Variants in SRBD1 observed in about 807,000 individuals in gnomAD.
SRBD1 encodes S1 RNA binding domain 1, also known as S1 RNA-binding domain-containing protein 1.
SRBD1 carries 88 observed loss-of-function variants against 115.3 expected under a neutral mutation model. The observed-to-expected ratio is 0.76, with a 90% CI of 0.64 to 0.91. SRBD1 has a LOEUF of 0.91. Ranked by LOEUF, SRBD1 falls within the 40% of genes least tolerant of loss-of-function variation. SRBD1 has a pLI of 0.00. For missense variants in SRBD1, 1,385 were observed against 1,177.4 expected (o/e 1.18, Z -2.58); for synonymous variants, 509 against 407.7 (o/e 1.25, Z -2.99).
intron 16 of SRBD1, among the ~76,000 whole-genome samples, chr2:45,449,689 G>A (rs1197883962): frequency 6.6e-6 from 1 of 152,122 alleles, no homozygotes; most frequent in Non-Finnish European, 1.5e-5. Context: ...TTAAAACACT[G>A]TATTTTTACA....
intron 11 of SRBD1, 101 bp from the exon 12 acceptor site, chr2:45,551,383 T>C: frequency 1.7e-6 from 2 of 1,184,202 alleles, no homozygotes; most frequent in Non-Finnish European, 2.3e-6. Context: ...CAAAGGATAA[T>C]TTATTATAAC....
At chr2:45,412,176 C>G (rs1236927118) in intron 19 of SRBD1, among the ~76,000 whole-genome samples, 1 of 151,930 alleles carries the variant, frequency 6.6e-6, no homozygotes, top group Non-Finnish European at 1.5e-5. Flanking sequence ...TGTGGAAAAA[C>G]AGATAGAATA....
At position 45,512,934 on chromosome 2, in the gene SRBD1, G is replaced by A. The variant is rs75335454; in HGVS notation, c.1875-24603C>T. On this transcript the variant is annotated intron_variant, in intron 14 of 20. Coordinates refer to ENST00000263736, the MANE Select transcript of SRBD1 (RefSeq NM_018079.5). ...TAACCTACTAAGGGAAGTAGAAAGA[G>A]ACACAAACCTCATGCTGAGAAGGAC... is the stretch of plus-strand genomic sequence containing the variant. 1.7e-3 allele frequency among the ~76,000 whole-genome samples: 264 copies of A among 152,230 alleles called. 1 individual carries two copies. Among genetic ancestry groups the A allele is most frequent in the African/African-American group, 6.1e-3 (252 of 41,534 alleles).
At chr2:45,579,506 T>C (rs1355938033) in intron 7 of SRBD1, among the ~76,000 whole-genome samples, 1 of 152,140 alleles carries the variant, frequency 6.6e-6, no homozygotes, top group African/African-American at 2.4e-5. Context: ...TAAAAGATGA[T>C]TAACTATAAT....
intron 16 of SRBD1, among the ~76,000 whole-genome samples, chr2:45,451,312 T>A (rs1668985815): frequency 1.3e-5 from 2 of 152,076 alleles, no homozygotes; most frequent in Non-Finnish European, 2.9e-5. Flanking sequence ...TGGTATCCCC[T>A]AACTTTACGG....
intron 14 of SRBD1, among the ~76,000 whole-genome samples, chr2:45,502,479 C>T (rs1402599727): frequency 6.6e-6 from 1 of 152,176 alleles, no homozygotes; most frequent in South Asian, 2.1e-4. Flanking sequence ...GGCACATATA[C>T]ACCATGGAAT....
intron 16 of SRBD1, among the ~76,000 whole-genome samples, chr2:45,443,910 G>A (rs754566178): frequency 4.6e-5 from 7 of 151,550 alleles, no homozygotes; most frequent in Non-Finnish European, 8.8e-5. Context: ...CAGACCAGGC[G>A]CTTAATCTTT....
At chr2:45,502,574 C>A (rs535622411) in intron 14 of SRBD1, among the ~76,000 whole-genome samples, 38 of 151,742 alleles carry the variant, frequency 2.5e-4, no homozygotes, top group Non-Finnish European at 4.7e-4. Flanking sequence ...AGCAAACTAT[C>A]GCAGGGACAG....
At chr2:45,504,716 C>A (rs1202587108) in intron 14 of SRBD1, among the ~76,000 whole-genome samples, 1 of 152,078 alleles carries the variant, frequency 6.6e-6, no homozygotes, top group Non-Finnish European at 1.5e-5. Flanking sequence ...AATCAGTCCT[C>A]TAGACTTAGG....
At chr2:45,437,530 T>C (rs549246152) in intron 16 of SRBD1, among the ~76,000 whole-genome samples, 5 of 152,206 alleles carry the variant, frequency 3.3e-5, no homozygotes, top group Non-Finnish European at 7.4e-5. Flanking sequence ...AAATAATGAA[T>C]GTAGACACAG....
chr2:45,465,068 G>C (rs1049051339), intron 16 of SRBD1, among the ~76,000 whole-genome samples: 1 of 149,692 alleles, frequency 6.7e-6, no homozygotes, highest in Admixed American at 6.7e-5. Flanking sequence ...CCCTGGTATG[G>C]GGGATTTTTT....
intron 12 of SRBD1, 43 bp from the exon 13 acceptor site, chr2:45,547,655 A>G (rs373309947): frequency 2.7e-4 from 407 of 1,501,134 alleles, no homozygotes; most frequent in Non-Finnish European, 3.4e-4. Flanking sequence ...AAGAAATTAC[A>G]AAGTGAAACA....
At chr2:45,499,279 G>C (rs985639036) in intron 14 of SRBD1, among the ~76,000 whole-genome samples, 4 of 151,826 alleles carry the variant, frequency 2.6e-5, no homozygotes, top group African/African-American at 9.7e-5. Flanking sequence ...ATATCTAGTG[G>C]TTATCTGTAT....
intron 4 of SRBD1, among the ~76,000 whole-genome samples, chr2:45,586,815 G>T (rs1002739042): frequency 6.7e-6 from 1 of 148,898 alleles, no homozygotes; most frequent in African/African-American, 2.5e-5. Flanking sequence ...CGAAAGTGCT[G>T]GGATTACTGG....
chr2:45,413,103 CTCA>C lies in SRBD1; in HGVS notation c.2513+8_2513+10del. ...GCATATGGAGAATTCCCACATGGGC[CTCA>C]GACTTACCTCATTGCTATGTCATAT... On this transcript the variant is annotated splice_region_variant and intron_variant, in intron 19 of 20. Coordinates refer to ENST00000263736, the MANE Select transcript of SRBD1 (RefSeq NM_018079.5). 3 of 1,609,380 alleles carry C rather than the reference CTCA, an allele frequency of 1.9e-6. No individual in the cohort carries two copies. Among genetic ancestry groups the C allele is most frequent in the Non-Finnish European group, 2.5e-6 (3 of 1,177,932 alleles).
chr2:45,484,911 T>C (rs1057118514), intron 15 of SRBD1, among the ~76,000 whole-genome samples: 1 of 152,262 alleles, frequency 6.6e-6, no homozygotes, highest in African/African-American at 2.4e-5. Flanking sequence ...TGTTGTAGCA[T>C]GTACCAGTAC....
At chr2:45,455,080 A>T (rs1380942302) in intron 16 of SRBD1, among the ~76,000 whole-genome samples, 4 of 151,868 alleles carry the variant, frequency 2.6e-5, no homozygotes, top group African/African-American at 9.7e-5. Flanking sequence ...TACACTTCTT[A>T]GTTTGCTATA....
chr2:45,572,419 T>A (rs72882468), intron 9 of SRBD1, among the ~76,000 whole-genome samples: 2,048 of 152,248 alleles, frequency 0.013, 44 homozygotes, highest in African/African-American at 0.047. Context: ...TAAAAATGGT[T>A]ATGATGGTAC....
chr2:45,593,353 A>G (rs1673784081), intron 4 of SRBD1, among the ~76,000 whole-genome samples: 2 of 152,188 alleles, frequency 1.3e-5, no homozygotes, highest in Non-Finnish European at 2.9e-5. Context: ...GCCAAGCAAG[A>G]TGATTCCTCA....
Sources: gnomAD v4.1 joint callset for allele counts (sites outside exome capture counted in the v4.1 genomes callset) on GRCh38, gnomAD v4.1.1 for gene constraint, MANE v1.5 for transcripts, NCBI Gene and HGNC (gene_info 2026-07-23, HGNC 2026-07-21) for gene names.